DYM: variants seen among roughly 807,000 people sequenced by gnomAD.
DYM encodes dyggve-Melchior-Clausen syndrome protein.
DYM carries 78 observed loss-of-function variants against 93.1 expected under a neutral mutation model. That is an observed-to-expected ratio of 0.84 (90% CI 0.70 to 1.01). The LOEUF (loss-of-function observed/expected upper bound fraction) is 1.01, where lower values mean the gene tolerates loss of function less well. Among genes scored for constraint, DYM ranks in the 50% least tolerant of loss-of-function variants. The pLI is 0.00. For synonymous variants in DYM, 321 were observed against 319.7 expected (o/e 1.00, Z -0.04); for missense variants, 789 against 845.0 (o/e 0.93, Z 0.82).
At chr18:49,239,612 C>T (rs1339941111) in intron 13 of DYM, among the ~76,000 whole-genome samples, 1 of 152,192 alleles carries the variant, frequency 6.6e-6, no homozygotes, top group African/African-American at 2.4e-5. Flanking sequence ...GCCTGCGTTG[C>T]GGTGAGGAGG....
At chr18:49,390,560 T>C (rs1043189925) in intron 3 of DYM, among the ~76,000 whole-genome samples, 7 of 151,866 alleles carry the variant, frequency 4.6e-5, no homozygotes, top group African/African-American at 1.7e-4. Context: ...CAGGCTGGAG[T>C]GCAGTGGCGC....
At chr18:49,075,331 G>C (rs1048269142) in intron 17 of DYM, among the ~76,000 whole-genome samples, 1 of 152,106 alleles carries the variant, frequency 6.6e-6, no homozygotes, top group Non-Finnish European at 1.5e-5. Context: ...GCTTGGTTGG[G>C]GACAGACAAA....
intron 17 of DYM, among the ~76,000 whole-genome samples, chr18:49,057,420 T>C (rs553658127): frequency 5.3e-5 from 8 of 152,298 alleles, no homozygotes; most frequent in Admixed American, 5.2e-4. Context: ...GCACAGTGTT[T>C]CCCAGGCAGG....
chr18:49,206,886 A>C (rs561186729), intron 14 of DYM, among the ~76,000 whole-genome samples: 1 of 152,198 alleles, frequency 6.6e-6, no homozygotes, highest in Non-Finnish European at 1.5e-5. Flanking sequence ...GGGTTCCAGG[A>C]AAGGTGTTGA....
chr18:49,186,788 T>C (rs1412688941), intron 14 of DYM, among the ~76,000 whole-genome samples: 22 of 152,152 alleles, frequency 1.4e-4, no homozygotes, highest in Admixed American at 1.4e-3. Flanking sequence ...AATGCACGCA[T>C]AATCCAGAGG....
In DYM at chr18:49,257,094, A is replaced by G; in HGVS notation, c.1376T>C (p.Leu459Pro). 6.2e-7 allele frequency: 1 copy of G among 1,613,792 alleles called. No individual in the cohort carries two copies. The highest frequency in any genetic ancestry group is 8.5e-7 in the Non-Finnish European group (1 of 1,179,716). Residue 459 changes from leucine to proline, a missense_variant, in exon 13 of 18, where the codon CTT (leucine) becomes CCT (proline). Coordinates refer to ENST00000675505, the MANE Select transcript of DYM (RefSeq NM_001353214.3). ...YNMTRTRDKY[L>P]HTNCLAALAN... ...TAAAGCTGCCAAACAATTTGTGTGA[A>G]GGTACTTGTCCTGTGAGGAAACAGC... is the stretch of plus-strand genomic sequence containing the variant.
chr18:49,389,504 T>C (rs1233627754), intron 3 of DYM, among the ~76,000 whole-genome samples: 2 of 152,130 alleles, frequency 1.3e-5, no homozygotes, highest in Non-Finnish European at 2.9e-5. Context: ...ACTTGCTTTT[T>C]TTCGCCCCTA....
chr18:49,359,638 C>T (rs1004194855), intron 6 of DYM: 1 of 152,120 alleles, frequency 6.6e-6, no homozygotes. Flanking sequence ...CCGTGGTAAA[C>T]CCTTTGCTCT....
At chr18:49,237,424 A>G (rs1159053794) in intron 13 of DYM, among the ~76,000 whole-genome samples, 1 of 152,200 alleles carries the variant, frequency 6.6e-6, no homozygotes, top group African/African-American at 2.4e-5. Flanking sequence ...TTTAAATTGC[A>G]TATACGCAAG....
At chr18:49,393,076 G>GAGT (rs2069523767) in intron 2 of DYM, among the ~76,000 whole-genome samples, 1 of 82,778 alleles carries the variant, frequency 1.2e-5, no homozygotes. Context: ...GGAGGAGGAG[G>GAGT]AAAGAAGGGA....
At position 49,327,669 on chromosome 18, in the gene DYM, A is replaced by C. The variant is rs542171544; in HGVS notation, c.763+4195T>G. Among the ~76,000 whole-genome samples, 27 of 152,220 alleles carry C rather than the reference A, an allele frequency of 1.8e-4. No homozygotes were observed. In the East Asian group the frequency reaches 5.2e-3, roughly 29 times the overall value. ...ACTGCACCTGGCATCTACTCTATACATCTTTGAAATTTTCTGTAATAAAAT... is the reference window on the plus strand; with the variant it reads ...ACTGCACCTGGCATCTACTCTATACCTCTTTGAAATTTTCTGTAATAAAAT... On this transcript the variant is annotated intron_variant, in intron 8 of 17. Transcript: ENST00000675505.
At position 49,336,364 on chromosome 18, in the gene DYM, C is replaced by CA. The variant is rs1354534084; in HGVS notation, c.495-2512dup. 7.2e-5 allele frequency among the ~76,000 whole-genome samples: 11 copies of CA among 151,914 alleles called. No homozygotes were observed. In the East Asian group the frequency reaches 2.1e-3, roughly 29 times the overall value. Reference sequence around the variant, plus strand: ...CCAAACACAATCAGAAGTGAGAGAACAAAAAAAGTGTTAACCTTGGATCAT... The same window carrying CA: ...CCAAACACAATCAGAAGTGAGAGAACAAAAAAAAGTGTTAACCTTGGATCAT... On this transcript the variant is annotated intron_variant, in intron 6 of 17. Coordinates refer to ENST00000675505, the MANE Select transcript of DYM (RefSeq NM_001353214.3).
intron 16 of DYM, among the ~76,000 whole-genome samples, chr18:49,117,463 A>C (rs1325581914): frequency 6.6e-6 from 1 of 152,198 alleles, no homozygotes; most frequent in African/African-American, 2.4e-5. Flanking sequence ...TGTGTTTCAT[A>C]TCTTTATTAG....
chr18:49,216,057 G>A (rs539265713), intron 13 of DYM, among the ~76,000 whole-genome samples: 9 of 152,336 alleles, frequency 5.9e-5, no homozygotes, highest in South Asian at 2.1e-4. Context: ...CTAATACTGC[G>A]CTTTTCCGAT....
chr18:49,215,832 C>T (rs554891319), intron 13 of DYM, among the ~76,000 whole-genome samples: 19 of 152,290 alleles, frequency 1.2e-4, no homozygotes, highest in African/African-American at 2.6e-4. Context: ...ATGCAGAAGA[C>T]GGGTGATTTC....
intron 8 of DYM, among the ~76,000 whole-genome samples, chr18:49,306,792 T>C (rs1418922294): frequency 6.6e-6 from 1 of 152,240 alleles, no homozygotes; most frequent in Non-Finnish European, 1.5e-5. Flanking sequence ...TGAATTACTA[T>C]GATTTTCAGG....
chr18:49,412,240 A>G (rs1384944192), intron 2 of DYM, among the ~76,000 whole-genome samples: 1 of 148,330 alleles, frequency 6.7e-6, no homozygotes, highest in East Asian at 2.2e-4. Context: ...TTGACTTAAA[A>G]AAAAAAAAAA....
chr18:49,399,769 T>C (rs2070553001), intron 2 of DYM, among the ~76,000 whole-genome samples: 1 of 152,006 alleles, frequency 6.6e-6, no homozygotes, highest in African/African-American at 2.4e-5. Flanking sequence ...AGCAGGCAGT[T>C]AGGCACTGTC....
chr18:49,064,340 T>A (rs2094013452), intron 17 of DYM, among the ~76,000 whole-genome samples: 1 of 152,266 alleles, frequency 6.6e-6, no homozygotes, highest in African/African-American at 2.4e-5. Flanking sequence ...AGATTTCAAT[T>A]ATTTTAAGCT....
Sources: gnomAD v4.1 joint callset for allele counts (sites outside exome capture counted in the v4.1 genomes callset) on GRCh38, gnomAD v4.1.1 for gene constraint, MANE v1.5 for transcripts, NCBI Gene and HGNC (gene_info 2026-07-23, HGNC 2026-07-21) for gene names.